Variants in E2F2 observed in about 807,000 individuals in gnomAD.
E2F2 encodes transcription factor E2F2.
A neutral mutation model predicts 42.2 loss-of-function variants in E2F2; 22 were observed. The observed-to-expected ratio is 0.52, with a 90% CI of 0.37 to 0.74. E2F2 has a LOEUF of 0.74. Ranked by LOEUF, E2F2 falls within the 30% of genes least tolerant of loss-of-function variation. E2F2 has a pLI of 0.00. For synonymous variants in E2F2, 248 were observed against 251.6 expected (o/e 0.99, Z 0.13); for missense variants, 481 against 557.8 (o/e 0.86, Z 1.39).
Position 23,519,934 on chromosome 1 carries a change from C to G in E2F2, c.738-804G>C, listed in dbSNP as rs918902949. Among the ~76,000 whole-genome samples the G allele has an allele frequency of 3.3e-5, 5 of 151,948 alleles. No individual in the cohort carries two copies. In the South Asian group the frequency reaches 1.0e-3, roughly 32 times the overall value. On this transcript the variant is annotated intron_variant, in intron 4 of 6. Transcript: ENST00000361729. The stretch of plus-strand genomic sequence containing the variant: ...CTCTACATAAAATACAAAAATTAGC[C>G]GGGTGTGGTGGCAGGCGCCTGTAAT...
Position 23,507,013 on chromosome 1 carries a change from G to A in E2F2, c.*2867C>T, listed in dbSNP as rs1048507973. 1 of 152,234 alleles carries A rather than the reference G, an allele frequency of 6.6e-6. No individual in the cohort carries two copies. Among genetic ancestry groups the A allele is most frequent in the Non-Finnish European group, 1.5e-5 (1 of 68,062 alleles). The allele number at this position is 152,234 out of a possible 1,614,324, so 9.4% of individuals were successfully genotyped here. ...ACCTTTAATGGGAAAGGAGTTAGGA[G>A]CATGTCCCTGGCTTCAAGAAATCTC... is the stretch of plus-strand genomic sequence containing the variant. On this transcript the variant is annotated 3_prime_UTR_variant, in exon 7 of 7. Transcript: ENST00000361729.
At chr1:23,528,307 CA>C (rs1643282134) in intron 1 of E2F2, among the ~76,000 whole-genome samples, 2 of 152,226 alleles carry the variant, frequency 1.3e-5, no homozygotes, top group African/African-American at 4.8e-5. Flanking sequence ...AGAAGCTCCA[CA>C]ACAAATCCTG....
chr1:23,521,802 C>T (rs1643154382), intron 3 of E2F2, 35 bp downstream of exon 3: 1 of 1,610,962 alleles, frequency 6.2e-7, no homozygotes, highest in East Asian at 2.2e-5. Context: ...CACAAGTACC[C>T]ATTGGAGGGT....
downstream of E2F2, among the ~76,000 whole-genome samples, chr1:23,505,296 C>G (rs994857283): frequency 3.9e-5 from 6 of 152,338 alleles, 1 homozygote; most frequent in South Asian, 8.3e-4. Flanking sequence ...GGGCATTAAG[C>G]AGGAGAGTAA....
Position 23,509,648 on chromosome 1 carries a change from C to T in E2F2, c.*232G>A, listed in dbSNP as rs1013774962. 19 of 747,158 alleles carry T rather than the reference C, an allele frequency of 2.5e-5. No homozygotes were observed. Among genetic ancestry groups the T allele is most frequent in the Admixed American group, 8.8e-5 (2 of 22,802 alleles). 46.3% of individuals were successfully genotyped at this position (747,158 alleles called of 1,614,324 possible). A position where few individuals can be genotyped will look rare whatever the true frequency, so the allele number is the denominator to read the frequency against. ...AGAAGTCAGAAGACTGGATGGGCCT[C>T]CCTAGGCCCAGCTTCCATTAGGAAG... On this transcript the variant is annotated 3_prime_UTR_variant, in exon 7 of 7. Coordinates refer to ENST00000361729, the MANE Select transcript of E2F2 (RefSeq NM_004091.4).
intron 6 of E2F2, among the ~76,000 whole-genome samples, chr1:23,513,392 A>C (rs1171881372): frequency 6.6e-6 from 1 of 152,106 alleles, no homozygotes; most frequent in Non-Finnish European, 1.5e-5. Flanking sequence ...GATGTTGTTG[A>C]AACCCCTTCC....
chr1:23,520,802 G>T, intron 4 of E2F2, 111 bp downstream of exon 4: 1 of 1,188,880 alleles, frequency 8.4e-7, no homozygotes, highest in Non-Finnish European at 1.1e-6. Flanking sequence ...ACCCAGGAAG[G>T]AAGAAACAGA....
At chr1:23,521,763 C>T in intron 3 of E2F2, 74 bp downstream of exon 3, 1 of 1,580,232 alleles carries the variant, frequency 6.3e-7, no homozygotes, top group Non-Finnish European at 8.6e-7. Flanking sequence ...CTCACACCCA[C>T]TGGCTATTGC....
chr1:23,521,435 G>T, intron 3 of E2F2: 2 of 502,384 alleles, frequency 4.0e-6, no homozygotes, highest in Non-Finnish European at 5.1e-6. Flanking sequence ...GGAGGCTGGA[G>T]TACTCCTATC....
chr1:23,524,235 T>C (rs1206148895), intron 2 of E2F2, 148 bp downstream of exon 2: 1 of 603,534 alleles, frequency 1.7e-6, no homozygotes, highest in East Asian at 3.3e-5. Flanking sequence ...CAGACAAGCC[T>C]ACCTACCTGG....
chr1:23,523,700 G>T (rs3218158), intron 2 of E2F2, among the ~76,000 whole-genome samples: 77,179 of 152,020 alleles, frequency 0.51, 23,148 homozygotes, highest in East Asian at 0.83. Flanking sequence ...ACATTAAAAC[G>T]TTTTAAAAAT....
At position 23,521,945 on chromosome 1, in the gene E2F2, C is replaced by A; in HGVS notation, c.470G>T (p.Trp157Leu). ...CTGCACGTCCAGCACCTCAGCGGCC[C>A]AGTTCAGGTCCAGGACCCCATCCTC... Reference protein sequence around the residue: ...ESEDGVLDLNWAAEVLDVQKR... With the variant: ...ESEDGVLDLNLAAEVLDVQKR... Residue 157 changes from tryptophan (W) to leucine (L), a missense_variant, in exon 3 of 7, where the codon TGG becomes TTG. Trp to Leu is a moderately conservative substitution (Grantham distance 61). Coordinates refer to ENST00000361729, the MANE Select transcript of E2F2 (RefSeq NM_004091.4). 4.3e-6 allele frequency: 7 copies of A among 1,614,218 alleles called. No homozygotes were observed. Among genetic ancestry groups the A allele is most frequent in the Non-Finnish European group, 5.9e-6 (7 of 1,180,048 alleles).
Position 23,530,424 on chromosome 1 carries a change from C to T in E2F2, c.252+118G>A. On this transcript the variant is annotated intron_variant, in intron 1 of 6. Transcript: ENST00000361729. This position sits in a 1 kb window ranked among gnomAD's most constrained non-coding sequence, Gnocchi z 4.4. Reference sequence around the variant, plus strand: ...CACTGGGTCCTGGAAACTGAAAGCTCATCTTCCCTCTTCCCAAAACTCTAC... The same window carrying T: ...CACTGGGTCCTGGAAACTGAAAGCTTATCTTCCCTCTTCCCAAAACTCTAC... 7.2e-7 allele frequency: 1 copy of T among 1,390,114 alleles called. No homozygotes were observed. Among genetic ancestry groups the T allele is most frequent in the African/African-American group, 1.4e-5 (1 of 69,282 alleles). The allele number at this position is 1,390,114 out of a possible 1,614,324, so 86.1% of individuals were successfully genotyped here.
chr1:23,521,225 T>C (rs142346093), intron 3 of E2F2, among the ~76,000 whole-genome samples, 154 bp from the exon 4 acceptor site: 8 of 152,302 alleles, frequency 5.3e-5, no homozygotes, highest in Non-Finnish European at 1.2e-4. Context: ...AACCAGAGGT[T>C]TGGGGGTTGG....
At chr1:23,510,905 C>T (rs1642896399) in intron 6 of E2F2, among the ~76,000 whole-genome samples, 1 of 152,286 alleles carries the variant, frequency 6.6e-6, no homozygotes, top group South Asian at 2.1e-4. Context: ...CTGAACTGTA[C>T]ATTTAAAAAT....
At chr1:23,515,062 C>G (rs776696192) in intron 6 of E2F2, among the ~76,000 whole-genome samples, 7 of 152,318 alleles carry the variant, frequency 4.6e-5, no homozygotes, top group South Asian at 4.1e-4. Flanking sequence ...CAGAGCCCTT[C>G]CAGCAAGCCT....
At chr1:23,517,893 G>C (rs551176840) in intron 5 of E2F2, among the ~76,000 whole-genome samples, 8 of 152,214 alleles carry the variant, frequency 5.3e-5, no homozygotes, top group Admixed American at 1.3e-4. Flanking sequence ...TGCACGGCTA[G>C]GTGCGGTGGT....
At position 23,520,243 on chromosome 1, in the gene E2F2, CAAAAA is replaced by C. The variant is rs66460864; in HGVS notation, c.737+665_737+669del. 6.0e-3 allele frequency among the ~76,000 whole-genome samples: 470 copies of C among 78,814 alleles called. 2 individuals are homozygous for C. The highest frequency in any genetic ancestry group is 0.037 in the African/African-American group (445 of 12,080). 51.7% of individuals were successfully genotyped at this position (78,814 alleles called of 152,430 possible). A position where few individuals can be genotyped will look rare whatever the true frequency, so the allele number is the denominator to read the frequency against. Reference sequence around the variant, plus strand: ...CCTGGGCAAGAGTGAGACTCTGTCTCAAAAAAAAAAAAAAAAAAAAAAAAAAAAAA... The same window carrying C: ...CCTGGGCAAGAGTGAGACTCTGTCTCAAAAAAAAAAAAAAAAAAAAAAAAA... On this transcript the variant is annotated intron_variant, in intron 4 of 6. Transcript: ENST00000361729.
intron 6 of E2F2, among the ~76,000 whole-genome samples, chr1:23,515,894 G>A (rs1438339581): frequency 6.6e-6 from 1 of 152,070 alleles, no homozygotes; most frequent in African/African-American, 2.4e-5. Flanking sequence ...TAGAGACAGG[G>A]TATCCCTATG....
Sources: allele counts gnomAD v4.1 joint callset (sites outside exome capture counted in the v4.1 genomes callset), GRCh38; gene constraint gnomAD v4.1.1; non-coding constraint Gnocchi (gnomAD v3.1); transcripts MANE v1.5; gene names NCBI Gene and HGNC (gene_info 2026-07-23, HGNC 2026-07-21).